Variants in DUSP22 observed in about 807,000 individuals in gnomAD.
The protein encoded by DUSP22 is dual specificity protein phosphatase 22.
DUSP22 carries 24 observed loss-of-function variants against 24.5 expected under a neutral mutation model. That is an observed-to-expected ratio of 0.98 (90% CI 0.71 to 1.38). The LOEUF is 1.38. Ranked by LOEUF, DUSP22 falls within the 40% of genes most tolerant of loss-of-function variation. The pLI, the probability that DUSP22 is intolerant of heterozygous loss-of-function variation, is 0.00. For missense variants in DUSP22, 330 were observed against 269.2 expected, an observed-to-expected ratio of 1.23 and a Z score of -1.58; for synonymous variants, 160 against 106.4, an observed-to-expected ratio of 1.50 and a Z score of -3.10.
chr6:350,901 A>G lies in DUSP22; in HGVS notation c.*1950A>G, dbSNP rs1426517506. Reference sequence around the variant, plus strand: ...GAAGTTTCTGAAATATTGCAAACCCACAGAGTTTAGGCTGGTGCTGCCAAA... The same window carrying G: ...GAAGTTTCTGAAATATTGCAAACCCGCAGAGTTTAGGCTGGTGCTGCCAAA... On this transcript the variant is annotated 3_prime_UTR_variant, in exon 7 of 7. Coordinates refer to ENST00000419235, the MANE Select transcript of DUSP22 (RefSeq NM_001286555.3). The G allele has an allele frequency of 6.2e-7, 1 of 1,613,684 alleles. No individual in the cohort carries two copies. Among genetic ancestry groups the G allele is most frequent in the Non-Finnish European group, 8.5e-7 (1 of 1,179,636 alleles).
chr6:292,581 C>T, intron 1 of DUSP22, 21 bp downstream of exon 1: 1 of 1,593,332 alleles, frequency 6.3e-7, no homozygotes, highest in South Asian at 1.1e-5. Flanking sequence ...CCCTCGTTCG[C>T]GCTGGGTTTG....
intron 2 of DUSP22, among the ~76,000 whole-genome samples, chr6:308,497 G>C (rs1757925823): frequency 6.6e-6 from 1 of 152,294 alleles, no homozygotes; most frequent in East Asian, 1.9e-4. Flanking sequence ...AGCGAACACG[G>C]TGCTAGCGTG....
Position 304,665 on chromosome 6 carries a change from A to T in DUSP22, c.55+4A>T. The T allele has an allele frequency of 1.2e-6, 2 of 1,614,228 alleles. No individual in the cohort carries two copies. The highest frequency in any genetic ancestry group is 2.7e-5 in the African/African-American group (2 of 75,088). On this transcript the variant is annotated splice_donor_region_variant and intron_variant, in intron 2 of 6. Coordinates refer to ENST00000419235, the MANE Select transcript of DUSP22 (RefSeq NM_001286555.3). ...CTGTACATCGGCAACTTCAAAGGTG[A>T]GTTCTTGCTTTTTTATTGTTGTGAT...
At chr6:297,450 A>G (rs1176295751) in intron 1 of DUSP22, among the ~76,000 whole-genome samples, 1 of 152,310 alleles carries the variant, frequency 6.6e-6, no homozygotes, top group African/African-American at 2.4e-5. Flanking sequence ...ATTATAATTC[A>G]AAGAGAATAT....
intron 6 of DUSP22, 42 bp from the exon 7 acceptor site, chr6:348,727 C>T (rs1056722948): frequency 1.2e-6 from 2 of 1,612,772 alleles, no homozygotes; most frequent in Admixed American, 3.3e-5. Flanking sequence ...TGCAGACGTG[C>T]ACATGTGTGT....
intron 3 of DUSP22, among the ~76,000 whole-genome samples, chr6:318,506 G>A (rs1251729208): frequency 3.3e-5 from 5 of 152,256 alleles, no homozygotes; most frequent in East Asian, 1.9e-4. Context: ...TTTTCCCTAG[G>A]TGACCACAGC....
intron 3 of DUSP22, among the ~76,000 whole-genome samples, chr6:315,050 C>T (rs959410115): frequency 1.6e-4 from 25 of 152,292 alleles, no homozygotes; most frequent in Non-Finnish European, 3.5e-4. Context: ...GTCTCTGATG[C>T]GTCTTGGGTG....
At chr6:334,311 C>G (rs75005575) in intron 3 of DUSP22, among the ~76,000 whole-genome samples, 4,021 of 151,140 alleles carry the variant, frequency 0.027, 4 homozygotes, top group East Asian at 0.1. Flanking sequence ...TAATCTCTTA[C>G]AAAGAGAATA....
chr6:346,003 G>A, intron 5 of DUSP22, 75 bp downstream of exon 5: 3 of 1,572,162 alleles, frequency 1.9e-6, no homozygotes, highest in South Asian at 2.2e-5. Context: ...GTTTTTCCGT[G>A]TGTGAATAAT....
chr6:312,810 T>A lies in DUSP22; in HGVS notation c.138+848T>A, dbSNP rs564296112. On this transcript the variant is annotated intron_variant, in intron 3 of 6. Coordinates refer to ENST00000419235, the MANE Select transcript of DUSP22 (RefSeq NM_001286555.3). ...CTTTAGCCATTAGGGCTGCCAGATT[T>A]TAGTTAGTATAAAGTAAGCTAAAAT... Among the ~76,000 whole-genome samples the A allele has an allele frequency of 2.6e-5, 4 of 152,422 alleles. No homozygotes were observed. The East Asian group carries it at 7.7e-4, about 29-fold the overall frequency.
At chr6:341,665 G>A (rs972667680) in intron 4 of DUSP22, among the ~76,000 whole-genome samples, 9 of 152,422 alleles carry the variant, frequency 5.9e-5, no homozygotes, top group Non-Finnish European at 1.2e-4. Context: ...GTGGCGCCGC[G>A]AATGGCCCTA....
chr6:348,796 G>A lies in DUSP22; in HGVS notation c.463G>A (p.Gly155Arg). ...TCGGCAGTGGCTGAAGGAAGAATATGGAGAGAGCCCTTTGCAGGATGCAGA... is the reference window on the plus strand; with the variant it reads ...TCGGCAGTGGCTGAAGGAAGAATATAGAGAGAGCCCTTTGCAGGATGCAGA... ...QYRQWLKEEY[G>R]ESPLQDAEEA... is the part of the protein sequence containing the mutation. Residue 155 changes from glycine (G) to arginine (R), a missense_variant, in exon 7 of 7, where the codon GGA (glycine) becomes AGA (arginine). Physicochemically the swap from Gly to Arg is moderately radical, Grantham distance 125. Coordinates refer to ENST00000419235, the MANE Select transcript of DUSP22 (RefSeq NM_001286555.3). The A allele has an allele frequency of 6.2e-7, 1 of 1,614,312 alleles. No homozygotes were observed. Among genetic ancestry groups the A allele is most frequent in the South Asian group, 1.1e-5 (1 of 91,092 alleles).
At chr6:343,066 G>A (rs1327502570) in intron 4 of DUSP22, among the ~76,000 whole-genome samples, 1 of 150,724 alleles carries the variant, frequency 6.6e-6, no homozygotes, top group African/African-American at 2.5e-5. Flanking sequence ...TTGCGGCCTG[G>A]CTGTAATGGG....
At chr6:305,829 C>T (rs976499677) in intron 2 of DUSP22, among the ~76,000 whole-genome samples, 1 of 152,306 alleles carries the variant, frequency 6.6e-6, no homozygotes, top group Non-Finnish European at 1.5e-5. Flanking sequence ...GCAGCTAATG[C>T]TCCTCCCTTC....
At position 349,596 on chromosome 6, in the gene DUSP22, T is replaced by C. The variant is rs1029555267; in HGVS notation, c.*645T>C. ...GGGGGCAACAGGGGCCAGACTCCTC[T>C]AGAGGGAGGGTGGCTCTGGGGCCCT... On this transcript the variant is annotated 3_prime_UTR_variant, in exon 7 of 7. Coordinates refer to ENST00000419235, the MANE Select transcript of DUSP22 (RefSeq NM_001286555.3). The C allele has an allele frequency of 1.3e-5, 13 of 987,898 alleles. No individual in the cohort carries two copies. Among genetic ancestry groups the C allele is most frequent in the Non-Finnish European group, 1.6e-5 (13 of 831,876 alleles). 61.2% of individuals were successfully genotyped at this position (987,898 alleles called of 1,614,324 possible).
chr6:335,252 G>T (rs113060681), intron 4 of DUSP22, 89 bp downstream of exon 4: 2 of 1,527,358 alleles, frequency 1.3e-6, no homozygotes, highest in East Asian at 4.5e-5. Context: ...CTGTGAAGTT[G>T]TCAGAGCTCA....
At chr6:340,970 G>A (rs1161860966) in intron 4 of DUSP22, among the ~76,000 whole-genome samples, 3 of 152,254 alleles carry the variant, frequency 2.0e-5, no homozygotes, top group Non-Finnish European at 4.4e-5. Flanking sequence ...AAGGTCGGTA[G>A]AGCCCATCTG....
intron 2 of DUSP22, 140 bp from the exon 3 acceptor site, chr6:311,740 C>G: frequency 1.1e-6 from 1 of 887,620 alleles, no homozygotes; most frequent in Non-Finnish European, 1.7e-6. Flanking sequence ...CCTAAGTTTC[C>G]TACATGTATG....
intron 1 of DUSP22, among the ~76,000 whole-genome samples, chr6:300,800 G>A (rs545493439): frequency 4.1e-4 from 63 of 152,394 alleles, no homozygotes; most frequent in African/African-American, 1.4e-3. Context: ...GTCCTTGGCT[G>A]TAAGCAACAG....
Sources: allele counts gnomAD v4.1 joint callset (sites outside exome capture counted in the v4.1 genomes callset), GRCh38; gene constraint gnomAD v4.1.1; transcripts MANE v1.5; gene names NCBI Gene and HGNC (gene_info 2026-07-23, HGNC 2026-07-21).